PARN: variants seen among roughly 807,000 people sequenced by gnomAD.
PARN encodes the protein poly(A)-specific ribonuclease PARN.
In PARN, 71 loss-of-function variants were observed where a neutral mutation model predicts 102.8. The observed-to-expected ratio is 0.69, with a 90% CI of 0.57 to 0.84. The LOEUF (loss-of-function observed/expected upper bound fraction) is 0.84, where lower values mean the gene tolerates loss of function less well. PARN is among the 40% of genes least tolerant of loss of function. The pLI is 0.00. For synonymous variants in PARN, 261 were observed against 252.9 expected, an observed-to-expected ratio of 1.03 and a Z score of -0.30; for missense variants, 782 against 760.9, an observed-to-expected ratio of 1.03 and a Z score of -0.33.
chr16:14,615,226 C>T (rs993071963), intron 6 of PARN, among the ~76,000 whole-genome samples: 1 of 151,044 alleles, frequency 6.6e-6, no homozygotes, highest in African/African-American at 2.4e-5. Flanking sequence ...ACTATCGTGA[C>T]TAAAATATTC....
At chr16:14,451,843 T>TAAAAAAAAAA (rs1184998225) in intron 22 of PARN, among the ~76,000 whole-genome samples, 15 of 54,584 alleles carry the variant, frequency 2.7e-4, no homozygotes, top group Non-Finnish European at 4.4e-4. Context: ...ACCCCGTCTC[T>TAAAAAAAAAA]AAAAAAAAAA....
intron 21 of PARN, among the ~76,000 whole-genome samples, chr16:14,539,510 T>C (rs1966759428): frequency 6.6e-6 from 1 of 152,254 alleles, no homozygotes; most frequent in African/African-American, 2.4e-5. Flanking sequence ...CAGAGATACA[T>C]AAGACGGCTA....
intron 19 of PARN, among the ~76,000 whole-genome samples, chr16:14,554,731 A>G (rs1157846182): frequency 1.3e-5 from 2 of 151,800 alleles, no homozygotes; most frequent in African/African-American, 4.8e-5. Flanking sequence ...AGCATGAACC[A>G]CCACACCCAA....
chr16:14,540,259 T>C (rs1183396708), intron 21 of PARN, among the ~76,000 whole-genome samples: 1 of 152,244 alleles, frequency 6.6e-6, no homozygotes, highest in African/African-American at 2.4e-5. Flanking sequence ...AGATCACTAC[T>C]GTAAACGAAT....
intron 21 of PARN, among the ~76,000 whole-genome samples, chr16:14,513,350 G>C (rs1965300232): frequency 6.6e-6 from 1 of 152,170 alleles, no homozygotes; most frequent in African/African-American, 2.4e-5. Context: ...TTTTACCTGA[G>C]CTATGCTTTG....
intron 3 of PARN, 77 bp from the exon 4 acceptor site, chr16:14,627,413 G>A (rs1012136986): frequency 9.8e-7 from 1 of 1,025,510 alleles, no homozygotes; most frequent in Non-Finnish European, 1.5e-6. Flanking sequence ...AAACAGGTGG[G>A]CTTTCTGAAT....
intron 6 of PARN, among the ~76,000 whole-genome samples, chr16:14,616,464 G>C (rs973614758): frequency 6.6e-6 from 1 of 152,246 alleles, no homozygotes; most frequent in Non-Finnish European, 1.5e-5. Flanking sequence ...GCAACAGGTA[G>C]GCAGGGTGTG....
chr16:14,589,734 C>T (rs1049882999), intron 13 of PARN, among the ~76,000 whole-genome samples: 2 of 151,776 alleles, frequency 1.3e-5, no homozygotes, highest in Non-Finnish European at 2.9e-5. Flanking sequence ...GGCATGGTGG[C>T]AAGCGCCTGT....
chr16:14,528,263 C>T (rs2151663741), intron 21 of PARN, among the ~76,000 whole-genome samples: 1 of 152,316 alleles, frequency 6.6e-6, no homozygotes, highest in Non-Finnish European at 1.5e-5. Flanking sequence ...CTAGTAACTA[C>T]TGAAGTGGGA....
chr16:14,525,423 C>T (rs1259535281), intron 21 of PARN, among the ~76,000 whole-genome samples: 1 of 152,126 alleles, frequency 6.6e-6, no homozygotes, highest in Non-Finnish European at 1.5e-5. Flanking sequence ...AGGCAGGGAA[C>T]CCAATTATTC....
intron 18 of PARN, chr16:14,578,696 T>C (rs879310795): frequency 1.3e-5 from 2 of 152,156 alleles, no homozygotes; most frequent in Admixed American, 6.6e-5. Flanking sequence ...TCTTATTTTG[T>C]ATTTCAAATC....
chr16:14,504,596 G>A (rs1009286758), intron 21 of PARN, among the ~76,000 whole-genome samples: 1 of 152,010 alleles, frequency 6.6e-6, no homozygotes, highest in Admixed American at 6.6e-5. Context: ...AATTACGTGA[G>A]GGAGAAAGTA....
intron 21 of PARN, among the ~76,000 whole-genome samples, chr16:14,541,116 C>T (rs1966829185): frequency 2.0e-5 from 3 of 146,450 alleles, no homozygotes; most frequent in Admixed American, 6.8e-5. Context: ...CATGGCGAAA[C>T]ATCTTTTTTT....
chr16:14,499,491 A>G (rs1964477886), intron 21 of PARN, among the ~76,000 whole-genome samples: 2 of 152,230 alleles, frequency 1.3e-5, no homozygotes, highest in African/African-American at 4.8e-5. Context: ...CCTGGACATT[A>G]AAAGGATCTG....
At chr16:14,629,706 A>C in intron 1 of PARN, 32 bp from the exon 2 acceptor site, 1 of 1,506,102 alleles carries the variant, frequency 6.6e-7, no homozygotes, top group Non-Finnish European at 9.2e-7. Context: ...GCTCAGAACC[A>C]GTGGCCTGAA....
chr16:14,439,808 G>A (rs1302648466), intron 23 of PARN, among the ~76,000 whole-genome samples: 1 of 152,166 alleles, frequency 6.6e-6, no homozygotes, highest in Non-Finnish European at 1.5e-5. Context: ...GAGGTCAGGG[G>A]TTCGAGACCA....
chr16:14,528,494 T>C (rs1364190190), intron 21 of PARN, among the ~76,000 whole-genome samples: 1 of 152,236 alleles, frequency 6.6e-6, no homozygotes, highest in Non-Finnish European at 1.5e-5. Context: ...TGCTGTCATT[T>C]TGCAAGCCGA....
intron 5 of PARN, among the ~76,000 whole-genome samples, chr16:14,624,737 G>A (rs892780397): frequency 1.3e-5 from 2 of 152,050 alleles, no homozygotes; most frequent in African/African-American, 4.8e-5. Flanking sequence ...CGACCGACAT[G>A]GAGAAACCCC....
In PARN at chr16:14,470,437, G is replaced by GATGATGATT. The variant is rs369121377; in HGVS notation, c.1670+12200_1670+12201insAATCATCAT. The stretch of plus-strand genomic sequence containing the variant: ...ACTATAGAAATCTTAGAGTTTGGAT[G>GATGATGATT]ATTATTATTATTATTATTATTATTA... On this transcript the variant is annotated intron_variant, in intron 22 of 23. Coordinates refer to ENST00000437198, the MANE Select transcript of PARN (RefSeq NM_002582.4). Among the ~76,000 whole-genome samples, 293 of 147,152 alleles carry GATGATGATT rather than the reference G, an allele frequency of 2.0e-3. 1 individual carries two copies. Among genetic ancestry groups the GATGATGATT allele is most frequent in the African/African-American group, 7.1e-3 (285 of 40,172 alleles).
Sources: gnomAD v4.1 joint callset for allele counts (sites outside exome capture counted in the v4.1 genomes callset) on GRCh38, gnomAD v4.1.1 for gene constraint, MANE v1.5 for transcripts, NCBI Gene and HGNC (gene_info 2026-07-23, HGNC 2026-07-21) for gene names.